The following ZNF362 variants were observed in gnomAD, a reference collection of about 807,000 sequenced individuals.
ZNF362 encodes zinc finger protein 362.
Under a neutral mutation model 42.9 loss-of-function variants are expected in ZNF362, and 11 were observed. The ratio of observed to expected loss-of-function variants is 0.26; its 90% confidence interval spans 0.16 to 0.42. The LOEUF (loss-of-function observed/expected upper bound fraction) is 0.42, where lower values mean the gene tolerates loss of function less well. Among genes scored for constraint, ZNF362 ranks in the 20% least tolerant of loss-of-function variants. The pLI is 1.00. For synonymous variants in ZNF362, 255 were observed against 257.3 expected, an observed-to-expected ratio of 0.99 and a Z score of 0.09; for missense variants, 362 against 576.2, an observed-to-expected ratio of 0.63 and a Z score of 3.81.
At chr1:33,159,134 C>T in the ZNF362 span, among the ~76,000 whole-genome samples, 2 of 151,946 alleles carry the variant, frequency 1.3e-5, no homozygotes, top group East Asian at 1.9e-4. The surrounding 1 kb of genome is among the most constrained non-coding windows in gnomAD (Gnocchi z 4.2). Context: ...TGTGAGCCAC[C>T]GTGCCCAGCA....
At chr1:33,270,681 G>T in intron 2 of ZNF362, 69 bp downstream of exon 2, 3 of 1,584,676 alleles carry the variant, frequency 1.9e-6, no homozygotes, top group Non-Finnish European at 2.6e-6. Context: ...TTAAAGCATT[G>T]TGTTCGTCCC....
At chr1:33,150,083 G>C in the ZNF362 span, among the ~76,000 whole-genome samples, 1 of 152,246 alleles carries the variant, frequency 6.6e-6, no homozygotes, top group African/African-American at 2.4e-5. Context: ...TCTGCTCCCT[G>C]AGGGAGCTGA....
the ZNF362 span, chr1:33,180,955 ACCCCAC>A: frequency 2.6e-6 from 1 of 385,502 alleles, no homozygotes; most frequent in Non-Finnish European, 4.9e-6. Context: ...TCCAGCCCTG[ACCCCAC>A]CCCCCGCCCG....
At chr1:33,228,201 C>T in the ZNF362 span, among the ~76,000 whole-genome samples, 11 of 152,020 alleles carry the variant, frequency 7.2e-5, no homozygotes, top group Non-Finnish European at 1.2e-4. Flanking sequence ...TCATCTTCCC[C>T]TCCACACCTG....
rs996566744 is a variant in ZNF362 at position 33,280,563 on chromosome 1, G to C, written c.683+106G>C. On this transcript the variant is annotated intron_variant, in intron 5 of 8. Transcript: ENST00000539719. This position sits in a 1 kb window ranked among gnomAD's most constrained non-coding sequence, Gnocchi z 5.6. ...GGGCTGAAACAGGACCCTTAGGGCT[G>C]AGGGGCAGGGCTAGGGTCCAGAGGG... The C allele has an allele frequency of 6.9e-7, 1 of 1,448,004 alleles. No homozygotes were observed. The highest frequency in any genetic ancestry group is 2.5e-5 in the East Asian group (1 of 39,864). 89.7% of individuals were successfully genotyped at this position (1,448,004 alleles called of 1,614,324 possible). A position where few individuals can be genotyped will look rare whatever the true frequency, so the allele number is the denominator to read the frequency against.
chr1:33,281,818 G>A lies in ZNF362; in HGVS notation c.908+7G>A. 1 of 1,613,650 alleles carries A rather than the reference G, an allele frequency of 6.2e-7. No individual in the cohort carries two copies. Among genetic ancestry groups the A allele is most frequent in the East Asian group, 2.2e-5 (1 of 44,874 alleles). ...ACCTCCAGCAGCACACCAGGTGAGT[G>A]GCCTGCCTGCTGCCCTGCTGCAGCC... On this transcript the variant is annotated splice_region_variant and intron_variant, in intron 6 of 8. Coordinates refer to ENST00000539719, the MANE Select transcript of ZNF362 (RefSeq NM_152493.3). The surrounding 1 kb of genome is among the most constrained non-coding windows in gnomAD (Gnocchi z 4.8).
the ZNF362 span, chr1:33,142,048 A>AG: frequency 6.6e-6 from 1 of 152,082 alleles, no homozygotes; most frequent in Non-Finnish European, 1.5e-5. Flanking sequence ...TCCCAGAGTA[A>AG]GGGGAAATAA....
At chr1:33,290,697 C>T (rs922378149) in intron 6 of ZNF362, among the ~76,000 whole-genome samples, 1 of 151,894 alleles carries the variant, frequency 6.6e-6, no homozygotes, top group Non-Finnish European at 1.5e-5. Context: ...AAAAGTGTTC[C>T]TATTTCTCCA....
chr1:33,156,471 G>A, the ZNF362 span, among the ~76,000 whole-genome samples: 1 of 152,104 alleles, frequency 6.6e-6, no homozygotes. Context: ...ACTCTCTCCT[G>A]GAAATGCTTC....
At chr1:33,263,005 C>G (rs1028321854) in intron 1 of ZNF362, among the ~76,000 whole-genome samples, 1 of 152,244 alleles carries the variant, frequency 6.6e-6, no homozygotes, top group Non-Finnish European at 1.5e-5. Flanking sequence ...CAGCCACATG[C>G]CTGATCATCT....
At chr1:33,155,909 G>A in the ZNF362 span, among the ~76,000 whole-genome samples, 3 of 152,150 alleles carry the variant, frequency 2.0e-5, no homozygotes, top group East Asian at 1.9e-4. Flanking sequence ...TTCTCTATCT[G>A]CAAACCTCTC....
intron 3 of ZNF362, 66 bp from the exon 4 acceptor site, chr1:33,276,282 C>G (rs1235753064): frequency 1.3e-6 from 2 of 1,551,680 alleles, no homozygotes; most frequent in African/African-American, 1.4e-5. Context: ...GCGGGTGGAC[C>G]AGCGGGCCTG....
chr1:33,172,549 G>A, the ZNF362 span, among the ~76,000 whole-genome samples: 8 of 152,080 alleles, frequency 5.3e-5, no homozygotes, highest in Non-Finnish European at 7.4e-5. Flanking sequence ...CCATCGGAGC[G>A]GGGGTGGGCC....
At chr1:33,297,449 G>A (rs899262592) in intron 8 of ZNF362, among the ~76,000 whole-genome samples, 9 of 150,312 alleles carry the variant, frequency 6.0e-5, no homozygotes, top group Middle Eastern at 3.4e-3. Flanking sequence ...TCAAATACCC[G>A]TTCAGCATTG....
chr1:33,288,887 C>G (rs758521062), intron 6 of ZNF362, among the ~76,000 whole-genome samples: 7 of 151,858 alleles, frequency 4.6e-5, no homozygotes, highest in Non-Finnish European at 8.8e-5. Context: ...GAATTGAGGG[C>G]TTAGGCTTGA....
chr1:33,187,036 G>C, the ZNF362 span, among the ~76,000 whole-genome samples: 1 of 152,108 alleles, frequency 6.6e-6, no homozygotes, highest in South Asian at 2.1e-4. Context: ...TTATCACAAA[G>C]GGGAACTGAA....
At chr1:33,138,086 G>A in the ZNF362 span, among the ~76,000 whole-genome samples, 2 of 152,210 alleles carry the variant, frequency 1.3e-5, no homozygotes, top group African/African-American at 4.8e-5. Flanking sequence ...GGTGGAGGAG[G>A]CAAGTGCTCA....
At chr1:33,145,795 T>C in the ZNF362 span, 1 of 464,040 alleles carries the variant, frequency 2.2e-6, no homozygotes, top group Non-Finnish European at 4.5e-6. Flanking sequence ...CCCGAGTTCT[T>C]CACGATTGGA....
In ZNF362 at chr1:33,300,166, T is replaced by G. The variant is rs1426747954; in HGVS notation, c.*1120T>G. 1 of 152,498 alleles carries G rather than the reference T, an allele frequency of 6.6e-6. No homozygotes were observed. The highest frequency in any genetic ancestry group is 1.9e-4 in the East Asian group (1 of 5,172). The allele number at this position is 152,498 out of a possible 1,614,324, so 9.4% of individuals were successfully genotyped here. ...ATCCCCCCGGGAAAAAAAAGAAAAC[T>G]AGACAGAAACTCATCTATATATTCT... On this transcript the variant is annotated 3_prime_UTR_variant, in exon 9 of 9. Coordinates refer to ENST00000539719, the MANE Select transcript of ZNF362 (RefSeq NM_152493.3).
Sources: gnomAD v4.1 joint callset for allele counts (sites outside exome capture counted in the v4.1 genomes callset) on GRCh38, gnomAD v4.1.1 for gene constraint, Gnocchi (gnomAD v3.1) non-coding constraint, MANE v1.5 for transcripts, NCBI Gene and HGNC (gene_info 2026-07-23, HGNC 2026-07-21) for gene names.